The following LYPD6B variants were observed in gnomAD, a reference collection of about 807,000 sequenced individuals.
LYPD6B encodes ly6/PLAUR domain-containing protein 6B.
LYPD6B carries 17 observed loss-of-function variants against 22.8 expected under a neutral mutation model. The ratio of observed to expected loss-of-function variants is 0.75; its 90% confidence interval spans 0.51 to 1.12. The LOEUF is 1.12. Among genes scored for constraint, LYPD6B ranks in the 50% most tolerant of loss-of-function variants. LYPD6B has a pLI of 0.00. For synonymous variants in LYPD6B, 106 were observed against 91.6 expected, an observed-to-expected ratio of 1.16 and a Z score of -0.90; for missense variants, 221 against 258.3, an observed-to-expected ratio of 0.86 and a Z score of 0.99.
chr2:149,207,777 A>G (rs1271728929), intron 4 of LYPD6B, among the ~76,000 whole-genome samples: 2 of 152,192 alleles, frequency 1.3e-5, no homozygotes, highest in Non-Finnish European at 2.9e-5. Flanking sequence ...TTGACGTGCT[A>G]GAGACTACAA....
At chr2:149,126,430 G>A (rs188974267) in intron 1 of LYPD6B, among the ~76,000 whole-genome samples, 22 of 152,268 alleles carry the variant, frequency 1.4e-4, no homozygotes, top group African/African-American at 5.1e-4. Flanking sequence ...ATTATATGTT[G>A]TATTCTTACA....
chr2:149,124,282 C>T (rs891162349), intron 1 of LYPD6B, among the ~76,000 whole-genome samples: 12 of 152,162 alleles, frequency 7.9e-5, no homozygotes, highest in Non-Finnish European at 1.5e-5. Flanking sequence ...GACCAACTAC[C>T]TTGTAATTAT....
intron 2 of LYPD6B, among the ~76,000 whole-genome samples, chr2:149,144,913 A>G (rs1412173309): frequency 6.6e-6 from 1 of 152,090 alleles, no homozygotes; most frequent in Non-Finnish European, 1.5e-5. Context: ...TCCCTATGAA[A>G]CGTGGTGTCA....
intron 1 of LYPD6B, among the ~76,000 whole-genome samples, chr2:149,123,743 C>A (rs1687521607): frequency 6.6e-6 from 1 of 152,160 alleles, no homozygotes; most frequent in Admixed American, 6.5e-5. Flanking sequence ...GCACCCCCAG[C>A]TACTCACTCG....
intron 1 of LYPD6B, among the ~76,000 whole-genome samples, chr2:149,077,997 C>A (rs942103513): frequency 1.3e-5 from 2 of 152,128 alleles, no homozygotes; most frequent in African/African-American, 4.8e-5. Context: ...ACTTTGTTAA[C>A]GTGTCTGTGT....
At chr2:149,198,960 A>G (rs1692995964) in intron 3 of LYPD6B, among the ~76,000 whole-genome samples, 1 of 152,220 alleles carries the variant, frequency 6.6e-6, no homozygotes, top group South Asian at 2.1e-4. Flanking sequence ...TGGTTGCAAT[A>G]GAGAGAATTT....
intron 1 of LYPD6B, among the ~76,000 whole-genome samples, chr2:149,042,626 A>G (rs1683132642): frequency 6.6e-6 from 1 of 152,228 alleles, no homozygotes; most frequent in Non-Finnish European, 1.5e-5. Flanking sequence ...TGTGCCAGAC[A>G]CTGTTCTAGG....
chr2:149,194,120 C>T (rs764604897), intron 3 of LYPD6B, among the ~76,000 whole-genome samples: 4 of 152,280 alleles, frequency 2.6e-5, no homozygotes, highest in Middle Eastern at 6.8e-3. Flanking sequence ...CTAGCTCTAT[C>T]TTCTGGTATA....
At chr2:149,130,088 G>A (rs982904808) in intron 1 of LYPD6B, among the ~76,000 whole-genome samples, 3 of 152,144 alleles carry the variant, frequency 2.0e-5, no homozygotes, top group Admixed American at 6.5e-5. Context: ...AACGCTGAAC[G>A]GCAGCTTTTC....
intron 1 of LYPD6B, among the ~76,000 whole-genome samples, chr2:149,047,480 T>C (rs920045859): frequency 6.6e-6 from 1 of 152,176 alleles, no homozygotes; most frequent in African/African-American, 2.4e-5. Flanking sequence ...TTCCTTTTCA[T>C]TTGATGTTTC....
rs1255602572 is a variant in LYPD6B at position 149,205,067 on chromosome 2, A to G, written c.78-186A>G. 8.5e-6 allele frequency: 5 copies of G among 589,438 alleles called. 1 individual carries two copies. The East Asian group carries it at 1.5e-4, about 17-fold the overall frequency. 36.5% of individuals were successfully genotyped at this position (589,438 alleles called of 1,614,324 possible). A position where few individuals can be genotyped will look rare whatever the true frequency, so the allele number is the denominator to read the frequency against. On this transcript the variant is annotated intron_variant, in intron 3 of 6. Coordinates refer to ENST00000409642, the MANE Select transcript of LYPD6B (RefSeq NM_177964.5). ...TGGCTAGTGCAGAGGCCTGACCAGT[A>G]GAAGGAGGTCATTACTTACCTTTCA...
At chr2:149,109,564 A>T (rs1265739968) in intron 1 of LYPD6B, among the ~76,000 whole-genome samples, 1 of 152,082 alleles carries the variant, frequency 6.6e-6, no homozygotes, top group Non-Finnish European at 1.5e-5. Flanking sequence ...AATATTCATC[A>T]AATTGGAAAC....
chr2:149,182,837 C>T (rs770939034), intron 3 of LYPD6B, among the ~76,000 whole-genome samples: 3 of 152,196 alleles, frequency 2.0e-5, no homozygotes, highest in African/African-American at 4.8e-5. Context: ...CTTTGCATTC[C>T]ACTTTTTCCT....
chr2:149,179,640 C>T lies in LYPD6B; in HGVS notation c.77+18805C>T, dbSNP rs58595345. On this transcript the variant is annotated intron_variant, in intron 3 of 6. Transcript: ENST00000409642. Reference sequence around the variant, plus strand: ...CAGAATATCCAGGAGTTAATCAGTTCGCAGAGACCTGCTAATTCATAACTT... The same window carrying T: ...CAGAATATCCAGGAGTTAATCAGTTTGCAGAGACCTGCTAATTCATAACTT... Among the ~76,000 whole-genome samples the T allele has an allele frequency of 4.8e-3, 732 of 152,280 alleles. 8 individuals are homozygous for T. The highest frequency in any genetic ancestry group is 0.017 in the African/African-American group (699 of 41,552).
chr2:149,145,410 C>T (rs543387521), intron 2 of LYPD6B, among the ~76,000 whole-genome samples: 11 of 152,290 alleles, frequency 7.2e-5, no homozygotes, highest in Admixed American at 5.9e-4. Flanking sequence ...TAACAGTTTA[C>T]TTGGAAGACA....
chr2:149,094,492 A>C (rs539183322), intron 1 of LYPD6B, among the ~76,000 whole-genome samples: 1 of 152,320 alleles, frequency 6.6e-6, no homozygotes, highest in African/African-American at 2.4e-5. Context: ...GGTCGTCGGG[A>C]GACTGCTGCC....
intron 2 of LYPD6B, among the ~76,000 whole-genome samples, chr2:149,138,965 C>G (rs1240874501): frequency 3.3e-5 from 5 of 152,344 alleles, no homozygotes; most frequent in South Asian, 2.1e-4. Context: ...CACATGAAAA[C>G]TACGTGAACT....
At chr2:149,166,998 A>G (rs1382001409) in intron 3 of LYPD6B, among the ~76,000 whole-genome samples, 1 of 151,744 alleles carries the variant, frequency 6.6e-6, no homozygotes, top group Admixed American at 6.6e-5. Context: ...TGTTACCTTC[A>G]TAATCTTTTC....
chr2:149,107,803 A>G (rs1686550693), intron 1 of LYPD6B, among the ~76,000 whole-genome samples: 1 of 152,158 alleles, frequency 6.6e-6, no homozygotes, highest in Non-Finnish European at 1.5e-5. Context: ...CATCTTGGTA[A>G]CTGTCCACTT....
Sources: allele counts gnomAD v4.1 joint callset (sites outside exome capture counted in the v4.1 genomes callset), GRCh38; gene constraint gnomAD v4.1.1; transcripts MANE v1.5; gene names NCBI Gene and HGNC (gene_info 2026-07-23, HGNC 2026-07-21).